Variants in LRRTM4 observed in about 807,000 individuals in gnomAD.
LRRTM4 encodes leucine-rich repeat transmembrane neuronal protein 4.
Under a neutral mutation model 47.6 loss-of-function variants are expected in LRRTM4, and 25 were observed. The observed-to-expected ratio is 0.53, with a 90% CI of 0.38 to 0.73. The LOEUF is 0.73. Ranked by LOEUF, LRRTM4 falls within the 30% of genes least tolerant of loss-of-function variation. The probability of loss-of-function intolerance (pLI) is 0.00; values close to 1 mark genes in which losing one functional copy is unlikely to be tolerated. For missense variants in LRRTM4, 638 were observed against 713.4 expected (o/e 0.89, Z 1.20); for synonymous variants, 311 against 269.5 (o/e 1.15, Z -1.51).
At chr2:77,341,082 G>C (rs1032871033) in intron 3 of LRRTM4, among the ~76,000 whole-genome samples, 12 of 151,898 alleles carry the variant, frequency 7.9e-5, no homozygotes, top group African/African-American at 2.4e-4. Context: ...ATCTAGAACA[G>C]AAGAGTCCGT....
chr2:77,299,365 GTA>G (rs201421403), intron 3 of LRRTM4, among the ~76,000 whole-genome samples: 10 of 150,300 alleles, frequency 6.7e-5, no homozygotes, highest in Non-Finnish European at 1.5e-4. Context: ...ATATATGTGT[GTA>G]TATATATACG....
At chr2:77,446,915 TTTG>T (rs1181567888) in intron 3 of LRRTM4, among the ~76,000 whole-genome samples, 1 of 152,088 alleles carries the variant, frequency 6.6e-6, no homozygotes, top group Non-Finnish European at 1.5e-5. Flanking sequence ...TAAGAATAAA[TTTG>T]AAACTTTCTT....
At chr2:77,101,811 CTTG>C (rs551484105) in intron 3 of LRRTM4, among the ~76,000 whole-genome samples, 23 of 152,170 alleles carry the variant, frequency 1.5e-4, no homozygotes, top group Non-Finnish European at 3.1e-4. Flanking sequence ...TTTTAATAAT[CTTG>C]TTTGTACATT....
At position 77,079,241 on chromosome 2, in the gene LRRTM4, G is replaced by C. The variant is rs531700294; in HGVS notation, c.1552-330325C>G. ...TTAACATTTCAACTTTTTTTATGGA[G>C]TTAAAGCTAAGGGTTAGAATTTTAA... On this transcript the variant is annotated intron_variant, in intron 3 of 3. Transcript: ENST00000409884. Among the ~76,000 whole-genome samples the C allele has an allele frequency of 2.4e-4, 36 of 152,316 alleles. 2 individuals are homozygous for C. Among genetic ancestry groups the C allele is most frequent in the African/African-American group, 8.4e-4 (35 of 41,562 alleles).
intron 3 of LRRTM4, among the ~76,000 whole-genome samples, chr2:77,379,222 G>A (rs1367762602): frequency 6.6e-6 from 1 of 151,908 alleles, no homozygotes; most frequent in Non-Finnish European, 1.5e-5. Flanking sequence ...ATTGGCAGTG[G>A]TTATTCTCAC....
intron 3 of LRRTM4, among the ~76,000 whole-genome samples, chr2:77,112,170 A>G (rs1572973515): frequency 6.6e-6 from 1 of 152,212 alleles, no homozygotes. Flanking sequence ...TAACCTCAAG[A>G]TGTGATTAGA....
chr2:77,324,286 A>G (rs1670674281), intron 3 of LRRTM4, among the ~76,000 whole-genome samples: 2 of 152,176 alleles, frequency 1.3e-5, no homozygotes, highest in South Asian at 2.1e-4. Flanking sequence ...CATAAAGCAG[A>G]TAAGGTTTTT....
intron 3 of LRRTM4, among the ~76,000 whole-genome samples, chr2:77,312,074 TGGACCCATA>T (rs1210056241): frequency 6.6e-6 from 1 of 152,132 alleles, no homozygotes; most frequent in Admixed American, 6.5e-5. Context: ...ACCCCCACCT[TGGACCCATA>T]AACTGTTGAA....
chr2:76,883,219 C>T (rs754150223), intron 3 of LRRTM4, among the ~76,000 whole-genome samples: 20 of 152,174 alleles, frequency 1.3e-4, no homozygotes, highest in Admixed American at 2.6e-4. Flanking sequence ...CTTTCCTCTT[C>T]GGTGACAAGC....
At chr2:77,134,638 T>C (rs958316048) in intron 3 of LRRTM4, among the ~76,000 whole-genome samples, 2 of 152,154 alleles carry the variant, frequency 1.3e-5, no homozygotes, top group African/African-American at 4.8e-5. Context: ...AACTTTAATA[T>C]TTTTTACTAT....
intron 3 of LRRTM4, among the ~76,000 whole-genome samples, chr2:77,123,528 G>A (rs890239061): frequency 6.6e-6 from 1 of 151,900 alleles, no homozygotes; most frequent in Non-Finnish European, 1.5e-5. Flanking sequence ...ACCTAAAATA[G>A]CAAAGATTCA....
chr2:76,856,067 A>G (rs1672140383), intron 3 of LRRTM4, among the ~76,000 whole-genome samples: 2 of 151,888 alleles, frequency 1.3e-5, no homozygotes, highest in African/African-American at 4.9e-5. Flanking sequence ...ACCTGAGGTC[A>G]GGAGTTTGAG....
chr2:77,218,685 T>C (rs1161861780), intron 3 of LRRTM4, among the ~76,000 whole-genome samples: 2 of 152,172 alleles, frequency 1.3e-5, no homozygotes, highest in African/African-American at 4.8e-5. Flanking sequence ...GGTGGCATTA[T>C]TGAAGATTTC....
chr2:76,878,590 G>A lies in LRRTM4; in HGVS notation c.1552-129674C>T, dbSNP rs577144424. On this transcript the variant is annotated intron_variant, in intron 3 of 3. Coordinates refer to ENST00000409884, the MANE Select transcript of LRRTM4 (RefSeq NM_001134745.3). Reference sequence around the variant, plus strand: ...TATAGGAAAGTGAAACTTGCCAGGCGCAGTGGCTCATGCCTGCAATCCCAG... The same window carrying A: ...TATAGGAAAGTGAAACTTGCCAGGCACAGTGGCTCATGCCTGCAATCCCAG... Among the ~76,000 whole-genome samples the A allele has an allele frequency of 1.4e-3, 208 of 152,122 alleles. 1 individual carries two copies. The highest frequency in any genetic ancestry group is 4.2e-3 in the African/African-American group (173 of 41,526).
intron 3 of LRRTM4, among the ~76,000 whole-genome samples, chr2:76,807,473 T>TATATATATATACATATATATATAC (rs1209681753): frequency 2.8e-5 from 3 of 106,620 alleles, no homozygotes; most frequent in East Asian, 3.4e-4. Context: ...TATATATACA[T>TATATATATATACATATATATATAC]ATATATATAT....
intron 3 of LRRTM4, among the ~76,000 whole-genome samples, chr2:77,045,652 C>G (rs1679209225): frequency 6.6e-6 from 1 of 151,952 alleles, no homozygotes; most frequent in Non-Finnish European, 1.5e-5. Flanking sequence ...CACAAGCTCT[C>G]TCTTTGCTTG....
chr2:76,982,186 G>C (rs1676634494), intron 3 of LRRTM4, among the ~76,000 whole-genome samples: 1 of 151,950 alleles, frequency 6.6e-6, no homozygotes, highest in Admixed American at 6.6e-5. Context: ...GAGAAAATCA[G>C]CTTCAACTTC....
At chr2:77,498,109 AT>A (rs778908645) in intron 3 of LRRTM4, among the ~76,000 whole-genome samples, 2 of 151,584 alleles carry the variant, frequency 1.3e-5, no homozygotes, top group African/African-American at 2.4e-5. Context: ...AAAAAATATT[AT>A]TTTCTTTTTA....
intron 3 of LRRTM4, among the ~76,000 whole-genome samples, chr2:77,247,697 AT>A (rs914708302): frequency 6.6e-6 from 1 of 152,030 alleles, no homozygotes; most frequent in Non-Finnish European, 1.5e-5. Context: ...TGGAGAGAAA[AT>A]TTTGAGCAAC....
Sources: gnomAD v4.1 joint callset for allele counts (sites outside exome capture counted in the v4.1 genomes callset) on GRCh38, gnomAD v4.1.1 for gene constraint, MANE v1.5 for transcripts, NCBI Gene and HGNC (gene_info 2026-07-23, HGNC 2026-07-21) for gene names.